FMN1: variants seen among roughly 807,000 people sequenced by gnomAD.
FMN1 encodes the protein formin-1.
Under a neutral mutation model 132.4 loss-of-function variants are expected in FMN1, and 110 were observed. That is an observed-to-expected ratio of 0.83 (90% CI 0.71 to 0.97). FMN1 has a LOEUF of 0.97. Ranked by LOEUF, FMN1 falls within the 50% of genes least tolerant of loss-of-function variation. FMN1 has a pLI of 0.00. For synonymous variants in FMN1, 722 were observed against 651.7 expected (o/e 1.11, Z -1.64); for missense variants, 1,792 against 1,705.3 (o/e 1.05, Z -0.90).
chr15:33,163,607 T>TTGTTG (rs1964983735), intron 3 of FMN1, among the ~76,000 whole-genome samples: 1 of 65,638 alleles, frequency 1.5e-5, no homozygotes, highest in Non-Finnish European at 4.6e-5. Flanking sequence ...TTGTTTTGTT[T>TTGTTG]TGTTTTGTTT....
chr15:33,078,788 C>T (rs1313275313), intron 5 of FMN1, among the ~76,000 whole-genome samples: 1 of 152,116 alleles, frequency 6.6e-6, no homozygotes, highest in Non-Finnish European at 1.5e-5. Flanking sequence ...AAATTCCCAC[C>T]TTCATCCTGG....
At chr15:33,048,881 C>T (rs2036839961) in intron 6 of FMN1, among the ~76,000 whole-genome samples, 1 of 152,036 alleles carries the variant, frequency 6.6e-6, no homozygotes, top group African/African-American at 2.4e-5. Context: ...AGGTCCCTCC[C>T]ACAACACATG....
chr15:32,968,934 G>T lies in FMN1; in HGVS notation c.2767C>A (p.Pro923Thr), dbSNP rs1156847064. 5.4e-6 allele frequency: 4 copies of T among 739,916 alleles called. No homozygotes were observed. Among genetic ancestry groups the T allele is most frequent in the Non-Finnish European group, 8.8e-6 (4 of 456,172 alleles). The allele number at this position is 739,916 out of a possible 1,614,324, so 45.8% of individuals were successfully genotyped here. The change falls in exon 8 of 21, where the codon CCA becomes ACA. Residue 923 changes from proline (P) to threonine (T), a missense_variant. Coordinates refer to ENST00000616417, the MANE Select transcript of FMN1 (RefSeq NM_001277313.2). ...LPPPSSAGPP[P>T]PPPPPPLPNS... ...GGAAGTGGGGGTGGGGGTGGGGGTG[G>T]TGGAGGTCCAGCACTTGAAGGTGGA...
intron 15 of FMN1, among the ~76,000 whole-genome samples, chr15:32,892,795 G>T (rs1340242167): frequency 1.3e-5 from 2 of 152,098 alleles, no homozygotes; most frequent in Non-Finnish European, 2.9e-5. Context: ...TAGGAGGATT[G>T]TATTTTTCCA....
At chr15:33,139,800 C>G (rs1162626929) in intron 4 of FMN1, among the ~76,000 whole-genome samples, 3 of 152,104 alleles carry the variant, frequency 2.0e-5, no homozygotes, top group African/African-American at 4.8e-5. Flanking sequence ...TTTTAATCAT[C>G]TATAACATGA....
intron 19 of FMN1, among the ~76,000 whole-genome samples, chr15:32,791,861 CAT>C (rs2057091652): frequency 6.6e-6 from 1 of 152,006 alleles, no homozygotes; most frequent in Admixed American, 6.6e-5. Flanking sequence ...CCAACCGAGA[CAT>C]ATTGAATTGC....
intron 9 of FMN1, among the ~76,000 whole-genome samples, chr15:32,950,694 G>A (rs906548963): frequency 2.0e-5 from 3 of 152,132 alleles, no homozygotes; most frequent in Non-Finnish European, 4.4e-5. Flanking sequence ...ATTAGAAGGT[G>A]GAGGGTGGGA....
intron 6 of FMN1, among the ~76,000 whole-genome samples, chr15:33,023,082 A>AAAG (rs2035499627): frequency 6.6e-6 from 1 of 150,468 alleles, no homozygotes; most frequent in Non-Finnish European, 1.5e-5. Flanking sequence ...AAAAAAGAAA[A>AAAG]AAAAGACCAA....
chr15:32,809,389 T>C (rs955181809), intron 17 of FMN1, among the ~76,000 whole-genome samples: 2 of 152,172 alleles, frequency 1.3e-5, no homozygotes, highest in Non-Finnish European at 2.9e-5. Flanking sequence ...CAAAGTGAAC[T>C]ATGCCCCTTT....
intron 6 of FMN1, among the ~76,000 whole-genome samples, chr15:33,009,109 T>G (rs2034571474): frequency 1.3e-5 from 2 of 152,196 alleles, no homozygotes; most frequent in Non-Finnish European, 2.9e-5. Context: ...TCTACTGTTG[T>G]GGGGAAGGTG....
At chr15:32,906,242 C>G (rs1331606908) in intron 12 of FMN1, among the ~76,000 whole-genome samples, 1 of 152,120 alleles carries the variant, frequency 6.6e-6, no homozygotes, top group Non-Finnish European at 1.5e-5. Context: ...TTGCAGCCCA[C>G]AGGCCAAAAC....
rs528751967 is a variant in FMN1 at position 32,863,351 on chromosome 15, G to A, written c.3836-6244C>T. 5.9e-5 allele frequency among the ~76,000 whole-genome samples: 9 copies of A among 152,220 alleles called. No homozygotes were observed. The South Asian group carries it at 1.5e-3, about 25-fold the overall frequency. On this transcript the variant is annotated intron_variant, in intron 16 of 20. Transcript: ENST00000616417. ...CGGGAGGCTGAGGCAGGAGAATGGC[G>A]TGAACCCGGGAGGCGGAGCTTGCAG...
chr15:33,133,666 T>C (rs1269123013), intron 4 of FMN1, among the ~76,000 whole-genome samples: 1 of 152,220 alleles, frequency 6.6e-6, no homozygotes, highest in African/African-American at 2.4e-5. Flanking sequence ...CAAAGGATCC[T>C]AAAGCCACAG....
chr15:32,889,323 T>C (rs139965700), intron 15 of FMN1, among the ~76,000 whole-genome samples: 1 of 152,334 alleles, frequency 6.6e-6, no homozygotes, highest in African/African-American at 2.4e-5. Flanking sequence ...CCCTGAGTTG[T>C]TTAACGTAAG....
intron 6 of FMN1, among the ~76,000 whole-genome samples, chr15:33,045,411 G>A (rs2036632539): frequency 6.6e-6 from 1 of 152,212 alleles, no homozygotes; most frequent in South Asian, 2.1e-4. Context: ...AGCACCCCTG[G>A]CCACAGAGGT....
chr15:32,896,871 A>G (rs1478617431), intron 15 of FMN1, among the ~76,000 whole-genome samples: 1 of 152,210 alleles, frequency 6.6e-6, no homozygotes, highest in Non-Finnish European at 1.5e-5. Flanking sequence ...TTCAATGAAT[A>G]TGAGAGGGAA....
intron 15 of FMN1, among the ~76,000 whole-genome samples, chr15:32,892,701 T>G (rs1039081332): frequency 1.1e-4 from 17 of 152,198 alleles, no homozygotes; most frequent in Admixed American, 1.0e-3. Context: ...ACCTTTTTTT[T>G]TGTTGGTAAT....
intron 6 of FMN1, among the ~76,000 whole-genome samples, chr15:33,047,885 AC>A (rs2036761819): frequency 6.6e-6 from 1 of 152,142 alleles, no homozygotes; most frequent in Admixed American, 6.5e-5. Flanking sequence ...TTAAAAAAAA[AC>A]TTAGAAACTA....
chr15:33,009,437 C>T (rs2034589271), intron 6 of FMN1, among the ~76,000 whole-genome samples: 1 of 152,156 alleles, frequency 6.6e-6, no homozygotes, highest in South Asian at 2.1e-4. Flanking sequence ...ACCTCCATGT[C>T]CTGGTTCCTA....
Sources: allele counts gnomAD v4.1 joint callset (sites outside exome capture counted in the v4.1 genomes callset), GRCh38; gene constraint gnomAD v4.1.1; transcripts MANE v1.5; gene names NCBI Gene and HGNC (gene_info 2026-07-23, HGNC 2026-07-21).